LPP: variants seen among roughly 807,000 people sequenced by gnomAD.
The protein encoded by LPP is LIM domain containing preferred translocation partner in lipoma.
In LPP, 38 loss-of-function variants were observed where a neutral mutation model predicts 60.4. The observed-to-expected ratio is 0.63, with a 90% CI of 0.49 to 0.83. LPP has a LOEUF of 0.83. LPP is among the 40% of genes least tolerant of loss of function. LPP has a pLI of 0.00. For synonymous variants in LPP, 328 were observed against 290.8 expected, an observed-to-expected ratio of 1.13 and a Z score of -1.30; for missense variants, 902 against 783.6, an observed-to-expected ratio of 1.15 and a Z score of -1.80.
At chr3:188,157,716 G>A (rs769384835) in intron 1 of LPP, among the ~76,000 whole-genome samples, 3 of 152,016 alleles carry the variant, frequency 2.0e-5, no homozygotes, top group Non-Finnish European at 4.4e-5. Context: ...AGTGGGGCAT[G>A]TCCGTGTATT....
At position 188,569,443 on chromosome 3, in the gene LPP, A is replaced by T. The variant is rs574091880; in HGVS notation, c.430-39718A>T. Among the ~76,000 whole-genome samples the T allele has an allele frequency of 5.6e-3, 847 of 152,160 alleles. 10 individuals carry two copies. The highest frequency in any genetic ancestry group is 0.02 in the African/African-American group (819 of 41,544). ...GTATTGTGTAGGATAGTGCTTATCT[A>T]CAAAGAATTTTATGTAGAATTCCCC... On this transcript the variant is annotated intron_variant, in intron 6 of 11. Coordinates refer to ENST00000617246, the MANE Select transcript of LPP (RefSeq NM_001375462.1).
chr3:188,756,741 G>T (rs1387460207), intron 8 of LPP, among the ~76,000 whole-genome samples: 2 of 152,090 alleles, frequency 1.3e-5, no homozygotes. Flanking sequence ...TGCCAGACTG[G>T]TTACCCTCAA....
At chr3:188,870,711 G>C (rs1255992693) in intron 10 of LPP, among the ~76,000 whole-genome samples, 1 of 152,188 alleles carries the variant, frequency 6.6e-6, no homozygotes, top group African/African-American at 2.4e-5. Context: ...GCTAAGCCTT[G>C]AAATAGACCA....
intron 2 of LPP, among the ~76,000 whole-genome samples, chr3:188,237,088 G>C (rs1483572492): frequency 6.6e-6 from 1 of 150,494 alleles, no homozygotes; most frequent in Non-Finnish European, 1.5e-5. Context: ...TTTTTTTGTT[G>C]TCATTCAACG....
chr3:188,638,590 T>C lies in LPP; in HGVS notation c.1113+28746T>C, dbSNP rs62289964. 1.4e-3 allele frequency among the ~76,000 whole-genome samples: 208 copies of C among 148,968 alleles called. 1 individual carries two copies. Among genetic ancestry groups the C allele is most frequent in the South Asian group, 3.0e-3 (14 of 4,612 alleles). The stretch of plus-strand genomic sequence containing the variant: ...AAGTCAAATTGTCCCTGTTTGCAGA[T>C]GACATGATTGTATATCTAGAAAACC... On this transcript the variant is annotated intron_variant, in intron 7 of 11. Transcript: ENST00000617246.
At chr3:188,224,875 A>G (rs73190767) in intron 1 of LPP, among the ~76,000 whole-genome samples, 5,452 of 152,236 alleles carry the variant, frequency 0.036, 150 homozygotes, top group African/African-American at 0.072. Flanking sequence ...CTCCAACAGC[A>G]GGTATTACAA....
At chr3:188,622,494 T>A (rs755543318) in intron 7 of LPP, among the ~76,000 whole-genome samples, 13 of 152,174 alleles carry the variant, frequency 8.5e-5, no homozygotes, top group Non-Finnish European at 1.6e-4. Context: ...TCATAGTAAT[T>A]TCTAGGGAAA....
At chr3:188,414,575 A>G (rs1199319395) in intron 4 of LPP, among the ~76,000 whole-genome samples, 2 of 152,186 alleles carry the variant, frequency 1.3e-5, no homozygotes, top group African/African-American at 2.4e-5. Context: ...TAGAGATCAC[A>G]ATGCCTCAAC....
At chr3:188,695,770 G>T (rs150645703) in intron 7 of LPP, among the ~76,000 whole-genome samples, 37 of 152,326 alleles carry the variant, frequency 2.4e-4, no homozygotes, top group African/African-American at 8.2e-4. Flanking sequence ...AGTAAAAAAG[G>T]CCACATTGGT....
rs190019209 is a variant in LPP, at chr3:188,290,311, G to A, written c.-66-51352G>A. Among the ~76,000 whole-genome samples, 77 of 152,172 alleles carry A rather than the reference G, an allele frequency of 5.1e-4. 1 individual carries two copies. The highest frequency in any genetic ancestry group is 3.4e-3 in the Middle Eastern group (1 of 294). ...TTTTGTGTACTGTTTAGGGACAGAT[G>A]CCGAAGCCACATTGCTTGGGTTTGG... is the stretch of plus-strand genomic sequence containing the variant. On this transcript the variant is annotated intron_variant, in intron 2 of 11. Coordinates refer to ENST00000617246, the MANE Select transcript of LPP (RefSeq NM_001375462.1).
chr3:188,751,797 A>G (rs1728154893), intron 8 of LPP, among the ~76,000 whole-genome samples: 1 of 152,216 alleles, frequency 6.6e-6, no homozygotes, highest in African/African-American at 2.4e-5. Context: ...GAGATAATAC[A>G]ATTAAATACT....
intron 7 of LPP, among the ~76,000 whole-genome samples, chr3:188,698,125 G>A (rs16863543): frequency 0.04 from 6,056 of 151,946 alleles, 178 homozygotes; most frequent in South Asian, 0.11. Context: ...TTTTTTTCCC[G>A]ACATTAGAGC....
At chr3:188,796,234 GT>G (rs1258989001) in intron 9 of LPP, among the ~76,000 whole-genome samples, 1 of 152,196 alleles carries the variant, frequency 6.6e-6, no homozygotes, top group Non-Finnish European at 1.5e-5. Context: ...GTGAGTAGGA[GT>G]TTAGACATCT....
chr3:188,477,966 T>C (rs1329637888), intron 4 of LPP, among the ~76,000 whole-genome samples: 1 of 152,220 alleles, frequency 6.6e-6, no homozygotes, highest in Non-Finnish European at 1.5e-5. Context: ...CACACATATT[T>C]TGATGCAGAT....
intron 9 of LPP, among the ~76,000 whole-genome samples, chr3:188,842,763 T>G (rs1760354535): frequency 6.6e-6 from 1 of 152,114 alleles, no homozygotes; most frequent in South Asian, 2.1e-4. Context: ...CATTTTTCAT[T>G]GAGGCCTAAT....
intron 6 of LPP, among the ~76,000 whole-genome samples, chr3:188,583,986 A>T (rs957546927): frequency 6.6e-6 from 1 of 152,164 alleles, no homozygotes; most frequent in East Asian, 1.9e-4. Context: ...GCAAAGCAAC[A>T]TTTCTATCCC....
intron 7 of LPP, among the ~76,000 whole-genome samples, chr3:188,677,634 G>A: frequency 6.6e-6 from 1 of 152,188 alleles, no homozygotes; most frequent in East Asian, 1.9e-4. Flanking sequence ...AAATGGGAGA[G>A]GGGGAGGGAA....
chr3:188,861,676 A>G (rs1055843792), intron 9 of LPP, among the ~76,000 whole-genome samples: 7 of 152,174 alleles, frequency 4.6e-5, no homozygotes, highest in African/African-American at 9.7e-5. Flanking sequence ...CAAGTTATTT[A>G]TACAATATCC....
At chr3:188,204,830 TG>T (rs1274554337) in intron 1 of LPP, among the ~76,000 whole-genome samples, 1 of 152,208 alleles carries the variant, frequency 6.6e-6, no homozygotes, top group Non-Finnish European at 1.5e-5. Flanking sequence ...GTGTCACTCT[TG>T]GAAGTGTAAG....
Sources: gnomAD v4.1 joint callset for allele counts (sites outside exome capture counted in the v4.1 genomes callset) on GRCh38, gnomAD v4.1.1 for gene constraint, MANE v1.5 for transcripts, NCBI Gene and HGNC (gene_info 2026-07-23, HGNC 2026-07-21) for gene names.